Variants in SORCS1 observed in about 807,000 individuals in gnomAD.
The protein encoded by SORCS1 is sortilin related VPS10 domain containing receptor 1, also known as VPS10 domain-containing receptor SorCS1.
SORCS1 carries 60 observed loss-of-function variants against 146.1 expected under a neutral mutation model. The observed-to-expected ratio is 0.41, with a 90% CI of 0.33 to 0.51. The LOEUF (loss-of-function observed/expected upper bound fraction) is 0.51. SORCS1 is among the 20% of genes least tolerant of loss of function. The pLI, the probability that SORCS1 is intolerant of heterozygous loss-of-function variation, is 0.21. For missense variants in SORCS1, 1,352 were observed against 1,487.6 expected (o/e 0.91, Z 1.50); for synonymous variants, 637 against 584.0 (o/e 1.09, Z -1.31).
chr10:106,739,877 G>A (rs1390415872), intron 5 of SORCS1, among the ~76,000 whole-genome samples: 3 of 151,450 alleles, frequency 2.0e-5, no homozygotes, highest in East Asian at 1.9e-4. Flanking sequence ...GCGTCAACCC[G>A]GAGGCAGAGC....
At chr10:107,141,493 C>T (rs1679019242) in intron 1 of SORCS1, among the ~76,000 whole-genome samples, 1 of 152,154 alleles carries the variant, frequency 6.6e-6, no homozygotes, top group Non-Finnish European at 1.5e-5. Flanking sequence ...TTATGTAACA[C>T]AGACTTGCTC....
At chr10:106,928,974 A>C (rs941894471) in intron 2 of SORCS1, among the ~76,000 whole-genome samples, 2 of 151,508 alleles carry the variant, frequency 1.3e-5, no homozygotes, top group Admixed American at 6.6e-5. Context: ...TATAGGAAAA[A>C]TAGAACAAAT....
At chr10:106,747,622 T>C (rs10884355) in intron 5 of SORCS1, among the ~76,000 whole-genome samples, 33,529 of 152,104 alleles carry the variant, frequency 0.22, 4,665 homozygotes, top group East Asian at 0.49. Flanking sequence ...TTTAGCATTC[T>C]GCATCTCGGT....
intron 18 of SORCS1, among the ~76,000 whole-genome samples, chr10:106,644,275 C>A (rs1849262432): frequency 1.3e-5 from 2 of 152,038 alleles, no homozygotes; most frequent in South Asian, 4.1e-4. Context: ...GATGAACCAA[C>A]TGAAAACTGC....
At chr10:107,133,938 C>T (rs937803903) in intron 1 of SORCS1, among the ~76,000 whole-genome samples, 11 of 152,188 alleles carry the variant, frequency 7.2e-5, no homozygotes, top group Non-Finnish European at 1.2e-4. Context: ...GACTGCTGAA[C>T]GAAGAAAACA....
At chr10:106,926,233 T>C (rs934116366) in intron 2 of SORCS1, among the ~76,000 whole-genome samples, 2 of 152,180 alleles carry the variant, frequency 1.3e-5, no homozygotes, top group Non-Finnish European at 2.9e-5. Flanking sequence ...GGGGTTAATG[T>C]TTTTAAGATA....
chr10:107,106,508 A>G (rs990992278), intron 1 of SORCS1, among the ~76,000 whole-genome samples: 1 of 152,220 alleles, frequency 6.6e-6, no homozygotes, highest in Non-Finnish European at 1.5e-5. Flanking sequence ...TACAAACTAT[A>G]TATCTAAATA....
upstream of SORCS1, among the ~76,000 whole-genome samples, chr10:107,167,270 T>C (rs10884424): frequency 0.23 from 34,673 of 152,132 alleles, 4,035 homozygotes; most frequent in African/African-American, 0.27. Flanking sequence ...TCCCCTTATC[T>C]AGAAGACTCC....
At chr10:107,047,438 T>G (rs1459560243) in intron 1 of SORCS1, among the ~76,000 whole-genome samples, 1 of 152,244 alleles carries the variant, frequency 6.6e-6, no homozygotes, top group Non-Finnish European at 1.5e-5. Flanking sequence ...TAGGTTATTA[T>G]TTTGTTACTG....
chr10:107,000,568 A>C (rs955066506), intron 1 of SORCS1, among the ~76,000 whole-genome samples: 9 of 151,344 alleles, frequency 5.9e-5, no homozygotes, highest in Non-Finnish European at 1.3e-4. Flanking sequence ...GATCGTGCCA[A>C]TGCACTCCAG....
At chr10:106,824,357 C>T (rs1410530154) in intron 3 of SORCS1, among the ~76,000 whole-genome samples, 5 of 150,288 alleles carry the variant, frequency 3.3e-5, no homozygotes, top group South Asian at 2.1e-4. Context: ...TTTGGGAGGC[C>T]GAGGCGGGTG....
intron 4 of SORCS1, among the ~76,000 whole-genome samples, chr10:106,773,495 T>G (rs1346115126): frequency 6.6e-6 from 1 of 152,198 alleles, no homozygotes. Context: ...ATTCAAGCCT[T>G]GAGATACGGA....
intron 1 of SORCS1, among the ~76,000 whole-genome samples, chr10:106,989,831 C>T (rs935435077): frequency 9.2e-5 from 14 of 151,706 alleles, no homozygotes; most frequent in East Asian, 3.9e-4. Context: ...GGACTACAGG[C>T]GCCCGCCACC....
intron 1 of SORCS1, among the ~76,000 whole-genome samples, chr10:107,001,684 G>C (rs529482396): frequency 4.6e-5 from 7 of 152,274 alleles, no homozygotes; most frequent in Admixed American, 2.0e-4. Flanking sequence ...GGCTGGTCTG[G>C]AAATCGTGCC....
chr10:106,780,877 A>C (rs755949752), intron 3 of SORCS1, among the ~76,000 whole-genome samples: 1 of 152,162 alleles, frequency 6.6e-6, no homozygotes, highest in African/African-American at 2.4e-5. Flanking sequence ...GCAATCATTC[A>C]TCACCCACTT....
rs868684976 is a variant in SORCS1 at position 106,600,341 on chromosome 10, G to A, written c.3166-2891C>T. The A allele has an allele frequency of 3.6e-5, 35 of 972,128 alleles. No individual in the cohort carries two copies. In the East Asian group the frequency reaches 1.3e-3, roughly 35 times the overall value. 60.2% of individuals were successfully genotyped at this position (972,128 alleles called of 1,614,324 possible). A position where few individuals can be genotyped will look rare whatever the true frequency, so the allele number is the denominator to read the frequency against. ...AAAATTATCTGGTAACAGAAAGTACGTTTCATATATTTAACTTGCATCAAA... is the reference window on the plus strand; with the variant it reads ...AAAATTATCTGGTAACAGAAAGTACATTTCATATATTTAACTTGCATCAAA... On this transcript the variant is annotated intron_variant, in intron 23 of 25. Coordinates refer to ENST00000263054, the MANE Select transcript of SORCS1 (RefSeq NM_052918.5).
At chr10:106,967,632 G>A (rs893180183) in intron 1 of SORCS1, among the ~76,000 whole-genome samples, 25 of 152,298 alleles carry the variant, frequency 1.6e-4, no homozygotes, top group Admixed American at 1.6e-3. Flanking sequence ...GTTGTCTCCA[G>A]AGCTGCAGTT....
chr10:106,648,102 T>C (rs572346247), intron 18 of SORCS1, among the ~76,000 whole-genome samples: 1 of 152,254 alleles, frequency 6.6e-6, no homozygotes, highest in Non-Finnish European at 1.5e-5. Context: ...ACTCAAATGA[T>C]CCTCCCACCT....
intron 1 of SORCS1, among the ~76,000 whole-genome samples, chr10:106,964,618 C>A (rs1294768458): frequency 6.6e-6 from 1 of 152,104 alleles, no homozygotes; most frequent in Non-Finnish European, 1.5e-5. Flanking sequence ...TCCCAAGTAG[C>A]TGGGACTACA....
Sources: allele counts gnomAD v4.1 joint callset (sites outside exome capture counted in the v4.1 genomes callset), GRCh38; gene constraint gnomAD v4.1.1; transcripts MANE v1.5; gene names NCBI Gene and HGNC (gene_info 2026-07-23, HGNC 2026-07-21).